Variants in METTL24 observed in about 807,000 individuals in gnomAD.
METTL24 encodes the protein probable methyltransferase-like protein 24.
A neutral mutation model predicts 32.7 loss-of-function variants in METTL24; 29 were observed. The ratio of observed to expected loss-of-function variants is 0.89; its 90% confidence interval spans 0.66 to 1.21. METTL24 has a LOEUF of 1.21. Among genes scored for constraint, METTL24 ranks in the 50% most tolerant of loss-of-function variants. The probability of loss-of-function intolerance (pLI) is 0.00; values close to 1 mark genes in which losing one functional copy is unlikely to be tolerated. For missense variants in METTL24, 439 were observed against 468.1 expected, an observed-to-expected ratio of 0.94 and a Z score of 0.57; for synonymous variants, 163 against 179.5, an observed-to-expected ratio of 0.91 and a Z score of 0.73.
At chr6:110,332,409 A>G (rs189230448) in intron 1 of METTL24, 1 of 545,198 alleles carries the variant, frequency 1.8e-6, no homozygotes, top group East Asian at 1.5e-4. Context: ...TTAGATTTTT[A>G]TCATGGGCAG....
intron 4 of METTL24, among the ~76,000 whole-genome samples, chr6:110,273,003 A>G (rs1209441877): frequency 6.6e-6 from 1 of 151,992 alleles, no homozygotes; most frequent in Non-Finnish European, 1.5e-5. Context: ...TTTCTGTTGC[A>G]TCTGCTTGGG....
intron 1 of METTL24, among the ~76,000 whole-genome samples, chr6:110,345,416 C>T (rs1477640673): frequency 6.6e-6 from 1 of 152,212 alleles, no homozygotes; most frequent in Admixed American, 6.5e-5. Flanking sequence ...CGCAGCAAAA[C>T]CATTATTGGG....
At chr6:110,255,047 C>T (rs1236191256) in intron 4 of METTL24, among the ~76,000 whole-genome samples, 4 of 152,102 alleles carry the variant, frequency 2.6e-5, no homozygotes, top group Admixed American at 6.5e-5. Flanking sequence ...AGAAATGTAA[C>T]GGTACAAGAC....
intron 4 of METTL24, among the ~76,000 whole-genome samples, chr6:110,248,712 G>A (rs1778217873): frequency 6.6e-6 from 1 of 151,548 alleles, no homozygotes. Flanking sequence ...TTGAGCCCAG[G>A]AGTTCAAGAC....
intron 3 of METTL24, among the ~76,000 whole-genome samples, chr6:110,310,832 G>A (rs1169640309): frequency 3.3e-5 from 5 of 152,152 alleles, no homozygotes; most frequent in African/African-American, 9.6e-5. Context: ...AGAAAGTGGG[G>A]CCATCAGCCT....
chr6:110,340,139 C>A (rs1772323264), intron 1 of METTL24, among the ~76,000 whole-genome samples: 1 of 151,712 alleles, frequency 6.6e-6, no homozygotes, highest in East Asian at 1.9e-4. Flanking sequence ...AAACACAGCT[C>A]TTCTTCAAGG....
intron 1 of METTL24, among the ~76,000 whole-genome samples, chr6:110,350,762 C>CAAAATTAAAATAAAATAAAATAAAAT (rs1772581116): frequency 1.7e-5 from 2 of 115,906 alleles, no homozygotes; most frequent in Admixed American, 9.1e-5. Context: ...CCTGTCTCAA[C>CAAAATTAAAATAAAATAAAATAAAAT]AAAATAAAAT....
At position 110,358,319 on chromosome 6, in the gene METTL24, G is replaced by T; in HGVS notation, c.-47C>A. On this transcript the variant is annotated 5_prime_UTR_variant, in exon 1 of 5. Transcript: ENST00000338882. ...CGGGCCGCGCCTGGCCGGCAGCAGG[G>T]ATGTAGCCCCACAGGCCGGAGCGGC... 9 of 1,360,532 alleles carry T rather than the reference G, an allele frequency of 6.6e-6. No individual in the cohort carries two copies. The highest frequency in any genetic ancestry group is 8.6e-6 in the Non-Finnish European group (9 of 1,050,334). 84.3% of individuals were successfully genotyped at this position (1,360,532 alleles called of 1,614,324 possible). A position where few individuals can be genotyped will look rare whatever the true frequency, so the allele number is the denominator to read the frequency against.
At chr6:110,320,396 T>C (rs145378922) in intron 2 of METTL24, among the ~76,000 whole-genome samples, 75 of 152,264 alleles carry the variant, frequency 4.9e-4, no homozygotes, top group African/African-American at 1.6e-3. Context: ...TTGCATTACA[T>C]ACGGAGGGGG....
intron 3 of METTL24, among the ~76,000 whole-genome samples, chr6:110,308,276 A>G (rs952692794): frequency 1.3e-5 from 2 of 152,192 alleles, no homozygotes; most frequent in African/African-American, 2.4e-5. Context: ...GCCCTTTAAC[A>G]CTGCTGAAGG....
chr6:110,333,379 C>T (rs143662554), intron 1 of METTL24, among the ~76,000 whole-genome samples: 63 of 152,028 alleles, frequency 4.1e-4, no homozygotes, highest in Middle Eastern at 3.4e-3. Flanking sequence ...TTTTGTCTGT[C>T]GATATTTGTA....
chr6:110,284,543 G>T (rs1468654364), intron 4 of METTL24, among the ~76,000 whole-genome samples: 1 of 152,086 alleles, frequency 6.6e-6, no homozygotes, highest in East Asian at 1.9e-4. Context: ...GAACAGAAAT[G>T]AAATGTACAT....
intron 1 of METTL24, among the ~76,000 whole-genome samples, chr6:110,327,458 G>A (rs1047892016): frequency 1.3e-5 from 2 of 152,196 alleles, no homozygotes; most frequent in African/African-American, 4.8e-5. Flanking sequence ...ACAGCAGCTG[G>A]AACAGTGAAT....
Position 110,304,731 on chromosome 6 carries a change from C to CT in METTL24, c.558-5582dup, listed in dbSNP as rs376068686. Among the ~76,000 whole-genome samples the CT allele has an allele frequency of 1.7e-3, 253 of 152,146 alleles. 2 individuals carry two copies. The highest frequency in any genetic ancestry group is 5.5e-3 in the African/African-American group (229 of 41,520). On this transcript the variant is annotated intron_variant, in intron 3 of 4. Coordinates refer to ENST00000338882, the MANE Select transcript of METTL24 (RefSeq NM_001123364.3). ...AAAGTGACGAGGAGAATGGAAAACA[C>CT]TTCAGGATATTATCCAGGAGAACTT...
chr6:110,357,004 C>T (rs1195978270), intron 1 of METTL24, among the ~76,000 whole-genome samples: 1 of 152,160 alleles, frequency 6.6e-6, no homozygotes, highest in East Asian at 1.9e-4. Flanking sequence ...GTTCCCTCCC[C>T]TCCAGGACCG....
chr6:110,277,034 C>T (rs1300886653), intron 4 of METTL24, among the ~76,000 whole-genome samples: 1 of 152,046 alleles, frequency 6.6e-6, no homozygotes. Flanking sequence ...GCACCCATTC[C>T]AACATTTTTT....
At chr6:110,282,251 T>C (rs1390856592) in intron 4 of METTL24, among the ~76,000 whole-genome samples, 1 of 152,060 alleles carries the variant, frequency 6.6e-6, no homozygotes, top group African/African-American at 2.4e-5. Flanking sequence ...CTAATAGAAG[T>C]TCCCCCATCA....
Position 110,246,216 on chromosome 6 carries a change from AACTTTCCATTCTGC to A in METTL24, c.817_830del (p.Ala273PhefsTer11). The A allele has an allele frequency of 6.2e-7, 1 of 1,614,028 alleles. No individual in the cohort carries two copies. Among genetic ancestry groups the A allele is most frequent in the Non-Finnish European group, 8.5e-7 (1 of 1,179,968 alleles). Reference sequence around the variant, plus strand: ...CATCTTCCAGAATAAGATTTTCCAAAACTTTCCATTCTGCACTTTCCAGATCTGCCTTGAGAACG... The same window carrying A: ...CATCTTCCAGAATAAGATTTTCCAAAACTTTCCAGATCTGCCTTGAGAACG... On this transcript the variant is annotated frameshift_variant, in exon 5 of 5. Transcript: ENST00000338882. LOFTEE classifies it high-confidence loss of function.
intron 1 of METTL24, among the ~76,000 whole-genome samples, chr6:110,351,329 T>C (rs570758925): frequency 1.3e-5 from 2 of 152,312 alleles, no homozygotes; most frequent in South Asian, 2.1e-4. Context: ...CAGTAGTATA[T>C]CCAAAGTGCC....
Sources: gnomAD v4.1 joint callset for allele counts (sites outside exome capture counted in the v4.1 genomes callset) on GRCh38, gnomAD v4.1.1 for gene constraint, MANE v1.5 for transcripts, NCBI Gene and HGNC (gene_info 2026-07-23, HGNC 2026-07-21) for gene names.